Variants in CNTLN observed in about 807,000 individuals in gnomAD.
CNTLN encodes centlein.
A neutral mutation model predicts 180.0 loss-of-function variants in CNTLN; 212 were observed. The ratio of observed to expected loss-of-function variants is 1.18; its 90% CI spans 1.05 to 1.32. The LOEUF (loss-of-function observed/expected upper bound fraction) is 1.32, where lower values mean the gene tolerates loss of function less well. CNTLN is among the 40% of genes most tolerant of loss of function. The probability of loss-of-function intolerance (pLI) is 0.00; values close to 1 mark genes in which losing one functional copy is unlikely to be tolerated. For synonymous variants in CNTLN, 722 were observed against 563.1 expected, an observed-to-expected ratio of 1.28 and a Z score of -3.99; for missense variants, 2,095 against 1,610.9, an observed-to-expected ratio of 1.30 and a Z score of -5.14.
intron 5 of CNTLN, among the ~76,000 whole-genome samples, chr9:17,250,762 T>C (rs1248246772): frequency 2.6e-5 from 4 of 152,058 alleles, no homozygotes; most frequent in Non-Finnish European, 5.9e-5. Flanking sequence ...GTTTTTGAAA[T>C]CATATAGGAA....
intron 2 of CNTLN, among the ~76,000 whole-genome samples, chr9:17,216,934 T>G (rs1338534562): frequency 6.6e-6 from 1 of 152,206 alleles, no homozygotes; most frequent in Non-Finnish European, 1.5e-5. Flanking sequence ...AGGGCATAAA[T>G]GTATTTTTGC....
chr9:17,144,388 TG>T (rs1680225116), intron 2 of CNTLN, among the ~76,000 whole-genome samples: 1 of 152,172 alleles, frequency 6.6e-6, no homozygotes, highest in Non-Finnish European at 1.5e-5. Context: ...ATTTTTGAGA[TG>T]AAATGTGATC....
chr9:17,362,296 T>C (rs1477849708), intron 12 of CNTLN, among the ~76,000 whole-genome samples: 1 of 152,126 alleles, frequency 6.6e-6, no homozygotes, highest in Non-Finnish European at 1.5e-5. Context: ...CGTTCTTAAA[T>C]AAACAAATCA....
chr9:17,361,668 G>C (rs761084798), intron 12 of CNTLN, among the ~76,000 whole-genome samples: 1 of 152,180 alleles, frequency 6.6e-6, no homozygotes, highest in Admixed American at 6.5e-5. Context: ...CTAAACTGCA[G>C]TCTCTTGTTT....
At chr9:17,290,892 G>T (rs533055985) in intron 6 of CNTLN, among the ~76,000 whole-genome samples, 1 of 152,176 alleles carries the variant, frequency 6.6e-6, no homozygotes, top group East Asian at 1.9e-4. Flanking sequence ...GCACCCACTG[G>T]CCTGCGCCCA....
At chr9:17,401,658 C>G (rs1826985716) in intron 15 of CNTLN, among the ~76,000 whole-genome samples, 1 of 151,658 alleles carries the variant, frequency 6.6e-6, no homozygotes, top group Non-Finnish European at 1.5e-5. Flanking sequence ...CAGATGCAAG[C>G]CATTGTGCTT....
At chr9:17,227,916 A>G (rs1042801382) in intron 3 of CNTLN, among the ~76,000 whole-genome samples, 8 of 152,206 alleles carry the variant, frequency 5.3e-5, no homozygotes, top group Admixed American at 3.9e-4. Flanking sequence ...AAATGTTGTC[A>G]TGTGCCTGGT....
intron 2 of CNTLN, among the ~76,000 whole-genome samples, chr9:17,221,603 A>G (rs546500298): frequency 6.6e-6 from 1 of 152,216 alleles, no homozygotes; most frequent in East Asian, 1.9e-4. Context: ...GCCTACATCC[A>G]AAGGGCTAAA....
At chr9:17,228,225 A>C (rs546456070) in intron 3 of CNTLN, among the ~76,000 whole-genome samples, 1 of 152,228 alleles carries the variant, frequency 6.6e-6, no homozygotes, top group South Asian at 2.1e-4. Flanking sequence ...GCCTTTTGTA[A>C]ATGAAAATAT....
intron 15 of CNTLN, among the ~76,000 whole-genome samples, chr9:17,407,828 C>G (rs775420348): frequency 2.0e-5 from 3 of 151,990 alleles, no homozygotes; most frequent in Non-Finnish European, 4.4e-5. Context: ...GAAACACATT[C>G]AAGACTGACC....
chr9:17,248,256 G>C lies in CNTLN; in HGVS notation c.849+11668G>C, dbSNP rs186194202. ...AAGGATTATGCTGTCCTTACAGAAT[G>C]AGTTAGGATGTATTTACATCCTCTT... On this transcript the variant is annotated intron_variant, in intron 5 of 25. Coordinates refer to ENST00000380647, the MANE Select transcript of CNTLN (RefSeq NM_017738.4). 1.0e-3 allele frequency among the ~76,000 whole-genome samples: 157 copies of C among 152,108 alleles called. No homozygotes were observed. In the Middle Eastern group the frequency reaches 0.017, roughly 16 times the overall value.
In CNTLN at chr9:17,300,905, A is replaced by G. The variant is rs189316200; in HGVS notation, c.1146+2553A>G. On this transcript the variant is annotated intron_variant, in intron 7 of 25. Transcript: ENST00000380647. ...TGCCTGAAAGCTTTCCTGCCCAGTT[A>G]TCTGCATAGATACCATTTTACTTCC... is the stretch of plus-strand genomic sequence containing the variant. 11 of 889,642 alleles carry G rather than the reference A, an allele frequency of 1.2e-5. 1 individual carries two copies. Among genetic ancestry groups the G allele is most frequent in the East Asian group, 2.4e-4 (2 of 8,298 alleles). 55.1% of individuals were successfully genotyped at this position (889,642 alleles called of 1,614,324 possible). A position where few individuals can be genotyped will look rare whatever the true frequency, so the allele number is the denominator to read the frequency against.
chr9:17,511,085 A>G, the CNTLN span, among the ~76,000 whole-genome samples: 3,979 of 152,076 alleles, frequency 0.026, 64 homozygotes, highest in Non-Finnish European at 0.04. Context: ...TAGTAGAGAT[A>G]TTTTTCTTTT....
chr9:17,515,805 A>G, the CNTLN span, among the ~76,000 whole-genome samples: 3 of 152,300 alleles, frequency 2.0e-5, no homozygotes, highest in East Asian at 3.9e-4. Flanking sequence ...CTGTTGCTCT[A>G]TAATACAGCA....
In CNTLN at chr9:17,135,159, C is replaced by G; in HGVS notation, c.94C>G (p.His32Asp). ...ACGTGTTGGGCGGGGAGCTGAAGTACACGCAATGCGCAGCGAGGCCTCGGG... is the reference window on the plus strand; with the variant it reads ...ACGTGTTGGGCGGGGAGCTGAAGTAGACGCAATGCGCAGCGAGGCCTCGGG... ...SPRVGRGAEV[H>D]AMRSEASGFA... Residue 32 changes from histidine to aspartate, a missense_variant, in exon 1 of 26, where the codon CAC (histidine) becomes GAC (aspartate). Physicochemically the swap from His to Asp is moderately conservative, Grantham distance 81. Transcript: ENST00000380647. 1 of 1,609,540 alleles carries G rather than the reference C, an allele frequency of 6.2e-7. No homozygotes were observed. Among genetic ancestry groups the G allele is most frequent in the Non-Finnish European group, 8.5e-7 (1 of 1,178,600 alleles).
intron 12 of CNTLN, among the ~76,000 whole-genome samples, chr9:17,352,299 T>A (rs1201981627): frequency 6.6e-6 from 1 of 151,248 alleles, no homozygotes; most frequent in East Asian, 1.9e-4. Context: ...AATAATTGCT[T>A]AAGTAGCTAA....
At chr9:17,412,730 A>T (rs1365796940) in intron 16 of CNTLN, among the ~76,000 whole-genome samples, 1 of 152,148 alleles carries the variant, frequency 6.6e-6, no homozygotes, top group Middle Eastern at 3.2e-3. Flanking sequence ...TTGATTTATG[A>T]TGTTTTCAAC....
intron 3 of CNTLN, among the ~76,000 whole-genome samples, chr9:17,230,059 A>T (rs1200302811): frequency 1.3e-5 from 2 of 152,180 alleles, no homozygotes; most frequent in African/African-American, 4.8e-5. Flanking sequence ...TGGTTCATAG[A>T]GCTCTGCTCC....
Position 17,405,754 on chromosome 9 carries a change from A to T in CNTLN, c.2616-3539A>T. Among the ~76,000 whole-genome samples, 2 of 151,216 alleles carry T rather than the reference A, an allele frequency of 1.3e-5. 1 individual carries two copies. Among genetic ancestry groups the T allele is most frequent in the African/African-American group, 4.9e-5 (2 of 40,898 alleles). ...CAGCCACCCCAAAATGTATGTATCC[A>T]TTCTATACCTCACTTCTGAATTTTA... On this transcript the variant is annotated intron_variant, in intron 15 of 25. Transcript: ENST00000380647.
Sources: allele counts gnomAD v4.1 joint callset (sites outside exome capture counted in the v4.1 genomes callset), GRCh38; gene constraint gnomAD v4.1.1; transcripts MANE v1.5; gene names NCBI Gene and HGNC (gene_info 2026-07-23, HGNC 2026-07-21).